The following AFF3 variants were observed in gnomAD, a reference collection of about 807,000 sequenced individuals.
AFF3 encodes the protein AF4/FMR2 family member 3.
In AFF3, 32 loss-of-function variants were observed where a neutral mutation model predicts 129.7. That is an observed-to-expected ratio of 0.25 (90% CI 0.19 to 0.33). The LOEUF (loss-of-function observed/expected upper bound fraction) is 0.33. Ranked by LOEUF, AFF3 falls within the 10% of genes least tolerant of loss-of-function variation. AFF3 has a pLI of 1.00. For synonymous variants in AFF3, 644 were observed against 635.4 expected, an observed-to-expected ratio of 1.01 and a Z score of -0.20; for missense variants, 1,373 against 1,592.0, an observed-to-expected ratio of 0.86 and a Z score of 2.34.
At chr2:100,009,053 A>G in intron 4 of AFF3, 121 bp from the exon 5 acceptor site, 2 of 1,341,994 alleles carry the variant, frequency 1.5e-6, no homozygotes, top group Non-Finnish European at 1.0e-6. Flanking sequence ...CAACAAGAAC[A>G]TGGATGAGAC....
At chr2:100,127,444 G>A (rs1053781504) in intron 2 of AFF3, among the ~76,000 whole-genome samples, 3 of 152,196 alleles carry the variant, frequency 2.0e-5, no homozygotes, top group South Asian at 2.1e-4. Flanking sequence ...AGGCTGCTTG[G>A]TGTCGGAGTC....
chr2:100,111,348 A>T (rs1249779462), intron 2 of AFF3, among the ~76,000 whole-genome samples: 3 of 152,184 alleles, frequency 2.0e-5, no homozygotes, highest in Non-Finnish European at 4.4e-5. Context: ...ATTTACAAAA[A>T]CCTGTGATTA....
intron 7 of AFF3, among the ~76,000 whole-genome samples, chr2:99,976,442 GT>G (rs749040287): frequency 2.7e-4 from 41 of 152,292 alleles, no homozygotes; most frequent in Non-Finnish European, 4.4e-4. Flanking sequence ...TAGGAAAAAG[GT>G]TCGTAGCATT....
intron 15 of AFF3, 56 bp from the exon 16 acceptor site, chr2:99,587,334 T>C: frequency 6.2e-7 from 1 of 1,600,396 alleles, no homozygotes; most frequent in Non-Finnish European, 8.5e-7. Flanking sequence ...GTATTATGAG[T>C]TCCCAGGCAC....
intron 2 of AFF3, chr2:100,105,984 A>G: frequency 7.5e-7 from 1 of 1,325,568 alleles, no homozygotes; most frequent in Non-Finnish European, 1.0e-6. Flanking sequence ...CCCTGGGTGC[A>G]AGTGACGGGA....
chr2:100,113,964 G>C (rs1332534403), intron 2 of AFF3, among the ~76,000 whole-genome samples: 1 of 152,158 alleles, frequency 6.6e-6, no homozygotes, highest in Admixed American at 6.5e-5. Flanking sequence ...GCCAAGGCCA[G>C]GGCAAGAGAT....
intron 8 of AFF3, among the ~76,000 whole-genome samples, chr2:99,800,880 C>A (rs1281296557): frequency 6.6e-6 from 1 of 152,098 alleles, no homozygotes; most frequent in Non-Finnish European, 1.5e-5. Flanking sequence ...TGCAGACTCA[C>A]CCATAGTGAC....
Position 99,593,370 on chromosome 2 carries a change from C to G in AFF3, c.2291G>C (p.Arg764Thr). 2.5e-6 allele frequency: 4 copies of G among 1,614,044 alleles called. 1 individual carries two copies. The highest frequency in any genetic ancestry group is 3.4e-6 in the Non-Finnish European group (4 of 1,179,994). The change falls in exon 15 of 25, where the codon AGG becomes ACG. Residue 764 changes from arginine (R) to threonine (T), a missense_variant. Physicochemically the swap from Arg to Thr is moderately conservative, Grantham distance 71 (BLOSUM62 -1). Around this residue, in one of 9 missense-constraint regions of AFF3, gnomAD observed 466 missense variants for 505.0 expected, o/e 0.92. Transcript: ENST00000672756. ...LSPLKDSDEIRSLWVKIDLTL... is the reference protein window; with the variant it reads ...LSPLKDSDEITSLWVKIDLTL... ...CAGGTCGATTTTGACCCAGAGAGAC[C>G]TGATCTCATCACTGTCCTTTAGAGG...
At chr2:99,611,090 T>A (rs961385491) in intron 13 of AFF3, among the ~76,000 whole-genome samples, 2 of 152,210 alleles carry the variant, frequency 1.3e-5, no homozygotes, top group Admixed American at 6.5e-5. Context: ...GTTGAGCTCA[T>A]CCATTGAGTT....
intron 7 of AFF3, among the ~76,000 whole-genome samples, chr2:99,920,568 A>G (rs1398696628): frequency 1.3e-5 from 2 of 152,074 alleles, no homozygotes; most frequent in African/African-American, 4.8e-5. Flanking sequence ...TTTAATGCAC[A>G]TCTAGAAAAA....
chr2:99,752,211 A>G lies in AFF3; in HGVS notation c.1002+10T>C. On this transcript the variant is annotated intron_variant, in intron 9 of 24. Transcript: ENST00000672756. ...GAAACATATTCCTCCTGAGGGATGC[A>G]AGATCTCACCTTATTTGGAAATGGA... 11 of 1,605,174 alleles carry G rather than the reference A, an allele frequency of 6.9e-6. No homozygotes were observed. Among genetic ancestry groups the G allele is most frequent in the Non-Finnish European group, 9.4e-6 (11 of 1,171,942 alleles).
intron 7 of AFF3, among the ~76,000 whole-genome samples, chr2:99,965,167 G>A (rs1677618333): frequency 6.6e-6 from 1 of 152,146 alleles, no homozygotes; most frequent in Admixed American, 6.5e-5. Flanking sequence ...AAATCACTAT[G>A]ATCACTATGA....
intron 11 of AFF3, among the ~76,000 whole-genome samples, chr2:99,712,347 G>T (rs1677970339): frequency 6.6e-6 from 1 of 152,190 alleles, no homozygotes; most frequent in Non-Finnish European, 1.5e-5. Flanking sequence ...TTCAGCCTCA[G>T]TTTCCTCATC....
intron 2 of AFF3, among the ~76,000 whole-genome samples, chr2:100,110,846 A>G (rs1375463835): frequency 6.6e-6 from 1 of 152,234 alleles, no homozygotes; most frequent in Non-Finnish European, 1.5e-5. Flanking sequence ...CCCAGCTGAC[A>G]TAACTGTATT....
At chr2:100,049,233 G>A (rs1686086452) in intron 4 of AFF3, among the ~76,000 whole-genome samples, 1 of 152,174 alleles carries the variant, frequency 6.6e-6, no homozygotes, top group Non-Finnish European at 1.5e-5. Context: ...AAGGGATAGT[G>A]TGACACCGTG....
chr2:99,615,414 C>T (rs1423154170), intron 13 of AFF3, among the ~76,000 whole-genome samples: 1 of 152,238 alleles, frequency 6.6e-6, no homozygotes, highest in Non-Finnish European at 1.5e-5. Context: ...TCTGGTGATA[C>T]AACTCGCCTC....
At chr2:99,780,050 A>T (rs1217928265) in intron 8 of AFF3, among the ~76,000 whole-genome samples, 1 of 152,238 alleles carries the variant, frequency 6.6e-6, no homozygotes, top group Non-Finnish European at 1.5e-5. Context: ...TCTAATGAGC[A>T]TGTGTTCATA....
intron 7 of AFF3, among the ~76,000 whole-genome samples, chr2:99,913,657 T>C (rs978534499): frequency 7.2e-5 from 11 of 152,256 alleles, no homozygotes; most frequent in Admixed American, 3.9e-4. Context: ...GAACCAGGGC[T>C]CTCTTGAAAA....
intron 4 of AFF3, among the ~76,000 whole-genome samples, chr2:100,021,093 G>A (rs527686484): frequency 1.1e-4 from 17 of 152,268 alleles, no homozygotes; most frequent in African/African-American, 4.1e-4. Flanking sequence ...TCACTTTAGT[G>A]ATTTTTCCCT....
Sources: gnomAD v4.1 joint callset for allele counts (sites outside exome capture counted in the v4.1 genomes callset) on GRCh38, gnomAD v4.1.1 for gene constraint, gnomAD v4.1.1 regional missense constraint, MANE v1.5 for transcripts, NCBI Gene and HGNC (gene_info 2026-07-23, HGNC 2026-07-21) for gene names.